Variants in TUBB6 observed in about 807,000 individuals in gnomAD.
TUBB6 encodes tubulin beta 6 class V.
A neutral mutation model predicts 32.3 loss-of-function variants in TUBB6; 18 were observed. The observed-to-expected ratio is 0.56, with a 90% confidence interval of 0.39 to 0.83. TUBB6 has a LOEUF of 0.83. TUBB6 is among the 40% of genes least tolerant of loss of function. TUBB6 has a pLI of 0.00. For synonymous variants in TUBB6, 280 were observed against 265.8 expected (o/e 1.05, Z -0.52); for missense variants, 480 against 632.0 (o/e 0.76, Z 2.58).
rs1319754438 is a variant in TUBB6, at chr18:12,326,285, G to A, written c.*155G>A. ...AGCCAAGTCATGTAATTAGTCATCT[G>A]GAACAAAGACTAAAAACAGCAGAGA... On this transcript the variant is annotated 3_prime_UTR_variant, in exon 4 of 4. Transcript: ENST00000317702. 1.7e-6 allele frequency: 2 copies of A among 1,163,902 alleles called. No individual in the cohort carries two copies. The highest frequency in any genetic ancestry group is 1.6e-5 in the African/African-American group (1 of 64,280). 72.1% of individuals were successfully genotyped at this position (1,163,902 alleles called of 1,614,324 possible). A position where few individuals can be genotyped will look rare whatever the true frequency, so the allele number is the denominator to read the frequency against.
chr18:12,313,314 C>G (rs1190405686), intron 3 of TUBB6, among the ~76,000 whole-genome samples: 2 of 152,212 alleles, frequency 1.3e-5, no homozygotes, highest in Non-Finnish European at 2.9e-5. Context: ...TGAAATGATT[C>G]TCTTGGAGTT....
rs1468747226 is a variant in TUBB6 at position 12,317,562 on chromosome 18, A to G, written c.277+6509A>G. Among the ~76,000 whole-genome samples the G allele has an allele frequency of 3.9e-5, 6 of 152,254 alleles. No homozygotes were observed. In the East Asian group the frequency reaches 1.2e-3, roughly 29 times the overall value. On this transcript the variant is annotated intron_variant, in intron 3 of 3. Coordinates refer to ENST00000317702, the MANE Select transcript of TUBB6 (RefSeq NM_032525.3). ...GGAAAGTTTTGTGGGAAAAGAATGA[A>G]GCACCAGAAAGGTAAACGTTCTTCC...
At chr18:12,315,780 T>A (rs551357290) in intron 3 of TUBB6, among the ~76,000 whole-genome samples, 23 of 152,300 alleles carry the variant, frequency 1.5e-4, no homozygotes, top group Admixed American at 6.5e-4. Context: ...CTTTTTGAGA[T>A]AAAATAGGAA....
chr18:12,319,278 G>C (rs912057500), intron 3 of TUBB6, among the ~76,000 whole-genome samples: 2 of 151,862 alleles, frequency 1.3e-5, no homozygotes, highest in Non-Finnish European at 2.9e-5. Context: ...GGAGTAGCTG[G>C]GATTACAGGC....
chr18:12,312,999 C>A (rs1361316235), intron 3 of TUBB6, among the ~76,000 whole-genome samples: 197 of 106,524 alleles, frequency 1.8e-3, no homozygotes, highest in South Asian at 2.5e-3. Flanking sequence ...AATTCTATCT[C>A]AAAAAAAAAA....
At chr18:12,310,095 A>C (rs1160968336) in intron 2 of TUBB6, among the ~76,000 whole-genome samples, 5 of 152,204 alleles carry the variant, frequency 3.3e-5, no homozygotes, top group Non-Finnish European at 7.3e-5. Flanking sequence ...TTGATTTCTC[A>C]TCCTGCCTCT....
At chr18:12,329,806 T>A (rs1907459478), downstream of TUBB6, 1 of 1,574,890 alleles carries the variant, frequency 6.3e-7, no homozygotes, top group Admixed American at 1.7e-5. Flanking sequence ...CAATTTTCAT[T>A]AAATACAGTT....
chr18:12,324,694 A>C (rs887312606), intron 3 of TUBB6: 1 of 943,056 alleles, frequency 1.1e-6, no homozygotes, highest in Admixed American at 4.0e-5. Flanking sequence ...CAAGTGATCC[A>C]CCCGCCTCGG....
intron 3 of TUBB6, among the ~76,000 whole-genome samples, chr18:12,319,533 C>A (rs2144151810): frequency 6.6e-6 from 1 of 152,288 alleles, no homozygotes; most frequent in East Asian, 1.9e-4. Context: ...GCTATACACA[C>A]CATTTTGCAG....
At chr18:12,308,239 G>T (rs1851679348), upstream of TUBB6, 4 of 1,312,132 alleles carry the variant, frequency 3.0e-6, no homozygotes, top group East Asian at 3.7e-5. Context: ...CAGCCGGCCC[G>T]CAGTTGCCGC....
At position 12,326,225 on chromosome 18, in the gene TUBB6, G is replaced by C. The variant is rs191992658; in HGVS notation, c.*95G>C. The C allele has an allele frequency of 6.8e-7, 1 of 1,464,666 alleles. No homozygotes were observed. The highest frequency in any genetic ancestry group is 1.4e-5 in the African/African-American group (1 of 70,518). The allele number at this position is 1,464,666 out of a possible 1,614,324, so 90.7% of individuals were successfully genotyped here. A position where few individuals can be genotyped will look rare whatever the true frequency, so the allele number is the denominator to read the frequency against. On this transcript the variant is annotated 3_prime_UTR_variant, in exon 4 of 4. Transcript: ENST00000317702. ...CCCTATGGCCCTGAATGGTGCACTGGTTTAATTGTGTTGGTGTCGGCCCCT... is the reference window on the plus strand; with the variant it reads ...CCCTATGGCCCTGAATGGTGCACTGCTTTAATTGTGTTGGTGTCGGCCCCT...
rs1004101612 is a variant in TUBB6 at position 12,326,244 on chromosome 18, G to A, written c.*114G>A. The A allele has an allele frequency of 7.0e-6, 10 of 1,418,658 alleles. No individual in the cohort carries two copies. Among genetic ancestry groups the A allele is most frequent in the South Asian group, 1.5e-5 (1 of 66,818 alleles). 87.9% of individuals were successfully genotyped at this position (1,418,658 alleles called of 1,614,324 possible). On this transcript the variant is annotated 3_prime_UTR_variant, in exon 4 of 4. Transcript: ENST00000317702. ...GCACTGGTTTAATTGTGTTGGTGTC[G>A]GCCCCTCACAAATGCAGCCAAGTCA...
At chr18:12,329,498 C>G (rs1249539139), downstream of TUBB6, 6 of 1,498,124 alleles carry the variant, frequency 4.0e-6, no homozygotes, top group Non-Finnish European at 5.6e-6. Flanking sequence ...CTTCTGAAAG[C>G]CACAGCTGAA....
intron 3 of TUBB6, among the ~76,000 whole-genome samples, chr18:12,321,271 A>C (rs1006559591): frequency 6.6e-6 from 1 of 152,230 alleles, no homozygotes; most frequent in Non-Finnish European, 1.5e-5. Context: ...CACTTAATGA[A>C]GAATCACAGA....
At chr18:12,307,767 A>C (rs535582228), upstream of TUBB6, 2 of 151,896 alleles carry the variant, frequency 1.3e-5, no homozygotes, top group South Asian at 4.2e-4. Flanking sequence ...AGGCCCTAAG[A>C]ACGTGTGCCC....
rs11548177 is a variant in TUBB6, at chr18:12,308,274, G to T, written c.-19G>T. 153,784 of 1,432,188 alleles carry T rather than the reference G, an allele frequency of 0.11. 8,785 individuals are homozygous for T. Among genetic ancestry groups the T allele is most frequent in the East Asian group, 0.18 (5,646 of 31,530 alleles). 88.7% of individuals were successfully genotyped at this position (1,432,188 alleles called of 1,614,324 possible). ...CTGTCGTCCGCAGAGCCAGTTCCTA[G>T]CGCAGAGCCGCGCCCGCCATGAGGG... On this transcript the variant is annotated 5_prime_UTR_variant, in exon 1 of 4. Transcript: ENST00000317702.
chr18:12,314,267 C>T (rs943836397), intron 3 of TUBB6, among the ~76,000 whole-genome samples: 1 of 152,042 alleles, frequency 6.6e-6, no homozygotes, highest in Non-Finnish European at 1.5e-5. Flanking sequence ...TCACAGACCC[C>T]TGTAAGAATC....
chr18:12,325,149 G>A lies in TUBB6; in HGVS notation c.360G>A (p.Val120=), dbSNP rs1159426327. Residue 120 remains valine, a synonymous_variant, in exon 4 of 4, where the codon GTG becomes GTA. Coordinates refer to ENST00000317702, the MANE Select transcript of TUBB6 (RefSeq NM_032525.3). ...AELVDAVLDV[V]RKECEHCDCL... ...TGGTGGACGCAGTGCTGGACGTGGT[G>A]CGGAAGGAGTGCGAGCACTGCGACT... is the stretch of plus-strand genomic sequence containing the variant. 1.2e-6 allele frequency: 2 copies of A among 1,612,964 alleles called. No individual in the cohort carries two copies. Among genetic ancestry groups the A allele is most frequent in the Admixed American group, 1.7e-5 (1 of 59,982 alleles).
chr18:12,319,596 T>TGCCTACCTC (rs1327904801), intron 3 of TUBB6, among the ~76,000 whole-genome samples: 5 of 152,170 alleles, frequency 3.3e-5, no homozygotes, highest in Admixed American at 2.6e-4. Context: ...ACAGTCACAG[T>TGCCTACCTC]GCCTACCATT....
Sources: allele counts gnomAD v4.1 joint callset (sites outside exome capture counted in the v4.1 genomes callset), GRCh38; gene constraint gnomAD v4.1.1; transcripts MANE v1.5; gene names NCBI Gene and HGNC (gene_info 2026-07-23, HGNC 2026-07-21).